Variants in PTGFRN observed in about 807,000 individuals in gnomAD.
The protein encoded by PTGFRN is prostaglandin F2 receptor inhibitor.
PTGFRN carries 35 observed loss-of-function variants against 83.2 expected under a neutral mutation model. The ratio of observed to expected loss-of-function variants is 0.42; its 90% CI spans 0.32 to 0.56. The LOEUF (loss-of-function observed/expected upper bound fraction) is 0.56, where lower values mean the gene tolerates loss of function less well. Ranked by LOEUF, PTGFRN falls within the 20% of genes least tolerant of loss-of-function variation. PTGFRN has a pLI of 0.11. For synonymous variants in PTGFRN, 519 were observed against 498.6 expected, an observed-to-expected ratio of 1.04 and a Z score of -0.55; for missense variants, 1,051 against 1,179.5, an observed-to-expected ratio of 0.89 and a Z score of 1.60.
chr1:116,913,178 G>A (rs1649316613), intron 1 of PTGFRN, among the ~76,000 whole-genome samples: 1 of 152,206 alleles, frequency 6.6e-6, no homozygotes, highest in Non-Finnish European at 1.5e-5. Flanking sequence ...ACCTGACATG[G>A]AAACCAAGTG....
rs138782030 is a variant in PTGFRN at position 116,933,351 on chromosome 1, C to T, written c.50-8364C>T. On this transcript the variant is annotated intron_variant, in intron 1 of 8. Coordinates refer to ENST00000393203, the MANE Select transcript of PTGFRN (RefSeq NM_020440.4). ...TTACTAGTGATCCTTTTACCACTTC[C>T]AGGATAATGAAAGACCTTACAACAT... 6.4e-4 allele frequency among the ~76,000 whole-genome samples: 97 copies of T among 152,146 alleles called. 1 individual carries two copies. Among genetic ancestry groups the T allele is most frequent in the Non-Finnish European group, 1.1e-3 (78 of 68,000 alleles).
intron 1 of PTGFRN, among the ~76,000 whole-genome samples, chr1:116,936,637 C>A (rs1196793712): frequency 6.6e-6 from 1 of 152,042 alleles, no homozygotes; most frequent in African/African-American, 2.4e-5. Context: ...AAAGCAGAGG[C>A]CATGAAGCAC....
Position 116,925,154 on chromosome 1 carries a change from G to C in PTGFRN, c.49+14902G>C, listed in dbSNP as rs187586673. 1.0e-3 allele frequency among the ~76,000 whole-genome samples: 157 copies of C among 151,906 alleles called. 1 individual carries two copies. The highest frequency in any genetic ancestry group is 3.5e-3 in the African/African-American group (145 of 41,170). On this transcript the variant is annotated intron_variant, in intron 1 of 8. Transcript: ENST00000393203. Reference sequence around the variant, plus strand: ...CAGAGAAAGCGATAAACCAGCTGTCGCAGTGGCTTACACCTGTAATCCCAG... The same window carrying C: ...CAGAGAAAGCGATAAACCAGCTGTCCCAGTGGCTTACACCTGTAATCCCAG...
chr1:116,977,060 AG>A (rs1258511830), intron 7 of PTGFRN, among the ~76,000 whole-genome samples: 1 of 152,220 alleles, frequency 6.6e-6, no homozygotes, highest in Non-Finnish European at 1.5e-5. Context: ...AAAAAAAGGC[AG>A]GGGTTGCAAT....
At chr1:116,964,898 C>T (rs982454252) in intron 5 of PTGFRN, among the ~76,000 whole-genome samples, 5 of 152,244 alleles carry the variant, frequency 3.3e-5, no homozygotes, top group African/African-American at 1.2e-4. Context: ...TGGATTACAT[C>T]CCTGGCCTCC....
At chr1:116,963,315 A>T (rs923288555) in intron 5 of PTGFRN, among the ~76,000 whole-genome samples, 2 of 152,140 alleles carry the variant, frequency 1.3e-5, no homozygotes, top group African/African-American at 4.8e-5. Flanking sequence ...ACCTCCTCCC[A>T]CAGCTTCTCT....
Position 116,918,351 on chromosome 1 carries a change from G to A in PTGFRN, c.49+8099G>A, listed in dbSNP as rs1649457673. 1.3e-5 allele frequency among the ~76,000 whole-genome samples: 2 copies of A among 152,122 alleles called. No homozygotes were observed. The highest frequency in any genetic ancestry group is 4.8e-5 in the African/African-American group (2 of 41,408). ...AATGGGAATAATACCTCTCTTGGAG[G>A]TTTTTCCATGAAGATTAAAAACAAT... On this transcript the variant is annotated intron_variant, in intron 1 of 8. Transcript: ENST00000393203. The surrounding 1 kb of genome is among the most constrained non-coding windows in gnomAD (Gnocchi z 4.1).
At chr1:116,933,669 T>C (rs1649853398) in intron 1 of PTGFRN, among the ~76,000 whole-genome samples, 1 of 152,210 alleles carries the variant, frequency 6.6e-6, no homozygotes, top group Admixed American at 6.5e-5. Flanking sequence ...AGCATGTTTA[T>C]GTTGCCTTCC....
intron 1 of PTGFRN, among the ~76,000 whole-genome samples, chr1:116,911,478 C>T (rs575256743): frequency 1.3e-4 from 20 of 152,350 alleles, no homozygotes; most frequent in Non-Finnish European, 2.4e-4. Context: ...ATGAACCAGC[C>T]TTGCTGGCTG....
Position 116,945,027 on chromosome 1 carries a change from A to G in PTGFRN, c.767A>G (p.Gln256Arg), listed in dbSNP as rs1650160614. The stretch of plus-strand genomic sequence containing the variant: ...ATCGTCAGCGAGTGGATCGCCGAGC[A>G]GGGCAACTGGCAGGAAATCCAAGAA... ...RCIVSEWIAEQGNWQEIQEKA... is the reference protein window; with the variant it reads ...RCIVSEWIAERGNWQEIQEKA... Residue 256 changes from glutamine (Q) to arginine (R), a missense_variant, in exon 3 of 9, where the codon CAG becomes CGG. This residue lies in a region of PTGFRN where 719 missense variants were observed against 836.6 expected (regional missense o/e 0.86). Transcript: ENST00000393203. 9.3e-6 allele frequency: 15 copies of G among 1,613,942 alleles called. No homozygotes were observed. Among genetic ancestry groups the G allele is most frequent in the Non-Finnish European group, 1.3e-5 (15 of 1,180,030 alleles).
In PTGFRN at chr1:116,949,278, G is replaced by C; in HGVS notation, c.919G>C (p.Asp307His). The change falls in exon 4 of 9, where the codon GAT becomes CAT. Residue 307 changes from aspartate to histidine, a missense_variant. Coordinates refer to ENST00000393203, the MANE Select transcript of PTGFRN (RefSeq NM_020440.4). Reference protein sequence around the residue: ...LTCNITTDRADDVRPEVTWSF... With the variant: ...LTCNITTDRAHDVRPEVTWSF... ...CTGTAACATCACAACAGACCGAGCCGATGACGTCCGGCCCGAGGTGACGTG... is the reference window on the plus strand; with the variant it reads ...CTGTAACATCACAACAGACCGAGCCCATGACGTCCGGCCCGAGGTGACGTG... 4 of 1,614,236 alleles carry C rather than the reference G, an allele frequency of 2.5e-6. No individual in the cohort carries two copies. The highest frequency in any genetic ancestry group is 3.4e-6 in the Non-Finnish European group (4 of 1,180,032).
intron 7 of PTGFRN, among the ~76,000 whole-genome samples, chr1:116,976,463 C>A (rs1275502837): frequency 6.6e-6 from 1 of 152,190 alleles, no homozygotes; most frequent in Admixed American, 6.5e-5. Flanking sequence ...ATGTTAAGGG[C>A]TGCCAGAGAG....
At position 116,988,722 on chromosome 1, in the gene PTGFRN, A is replaced by G. The variant is rs1323652863; in HGVS notation, c.*1755A>G. 3 of 152,810 alleles carry G rather than the reference A, an allele frequency of 2.0e-5. No individual in the cohort carries two copies. The highest frequency in any genetic ancestry group is 2.9e-5 in the Non-Finnish European group (2 of 68,060). 9.5% of individuals were successfully genotyped at this position (152,810 alleles called of 1,614,324 possible). On this transcript the variant is annotated 3_prime_UTR_variant, in exon 9 of 9. Transcript: ENST00000393203. The stretch of plus-strand genomic sequence containing the variant: ...GCACTTATCACCGAGTCGCCCCTGG[A>G]AGCAGATTCCCATTGAGTTTTCCCC...
At chr1:116,985,602 G>A (rs528155909) in intron 8 of PTGFRN, among the ~76,000 whole-genome samples, 2 of 152,000 alleles carry the variant, frequency 1.3e-5, no homozygotes, top group African/African-American at 4.8e-5. Flanking sequence ...CCAGCTACTC[G>A]GAGGCTGAAG....
intron 1 of PTGFRN, among the ~76,000 whole-genome samples, chr1:116,920,093 G>A (rs1649502263): frequency 6.6e-6 from 1 of 152,230 alleles, no homozygotes; most frequent in Admixed American, 6.5e-5. Context: ...GCCTGTGCCT[G>A]TTGTCTCTCA....
chr1:116,974,730 C>G (rs1651096020), intron 7 of PTGFRN, among the ~76,000 whole-genome samples: 1 of 152,130 alleles, frequency 6.6e-6, no homozygotes, highest in Admixed American at 6.5e-5. Context: ...AACAAAATGC[C>G]CAAAGTCAGG....
At position 116,967,207 on chromosome 1, in the gene PTGFRN, C is replaced by G. The variant is rs140095202; in HGVS notation, c.1936C>G (p.Gln646Glu). The change falls in exon 6 of 9, where the codon CAG (glutamine) becomes GAG (glutamate). Residue 646 changes from glutamine to glutamate, a missense_variant. Around this residue, in one of 3 missense-constraint regions of PTGFRN, gnomAD observed 719 missense variants for 836.6 expected, o/e 0.86. Transcript: ENST00000393203. ...GTTCCGCTATCGAATGTACCAGACT[C>G]AGGTCTCAGACGCAGGGCTGTACCG... The part of the protein sequence containing the change: ...DEFRYRMYQT[Q>E]VSDAGLYRCM... 3 of 1,614,064 alleles carry G rather than the reference C, an allele frequency of 1.9e-6. No homozygotes were observed. Among genetic ancestry groups the G allele is most frequent in the Non-Finnish European group, 2.5e-6 (3 of 1,180,044 alleles).
chr1:116,977,785 G>T (rs1651197912), intron 7 of PTGFRN, among the ~76,000 whole-genome samples: 1 of 152,170 alleles, frequency 6.6e-6, no homozygotes, highest in African/African-American at 2.4e-5. Flanking sequence ...ATCTAAAATT[G>T]ACACCCTAAC....
chr1:116,973,764 C>T (rs1162199777), intron 6 of PTGFRN, among the ~76,000 whole-genome samples: 1 of 152,086 alleles, frequency 6.6e-6, no homozygotes, highest in Non-Finnish European at 1.5e-5. Context: ...GTAACAGGGC[C>T]CCTTTCCCCA....
Sources: gnomAD v4.1 joint callset for allele counts (sites outside exome capture counted in the v4.1 genomes callset) on GRCh38, gnomAD v4.1.1 for gene constraint, gnomAD v4.1.1 regional missense constraint, Gnocchi (gnomAD v3.1) non-coding constraint, MANE v1.5 for transcripts, NCBI Gene and HGNC (gene_info 2026-07-23, HGNC 2026-07-21) for gene names.